Variants in SCFD1 observed in about 807,000 individuals in gnomAD.
SCFD1 encodes sec1 family domain containing 1.
In SCFD1, 37 loss-of-function variants were observed where a neutral mutation model predicts 103.2. The ratio of observed to expected loss-of-function variants is 0.36; its 90% CI spans 0.28 to 0.47. The LOEUF is 0.47. Among genes scored for constraint, SCFD1 ranks in the 20% least tolerant of loss-of-function variants. The pLI is 1.00. For missense variants in SCFD1, 639 were observed against 761.2 expected (o/e 0.84, Z 1.89); for synonymous variants, 264 against 245.0 (o/e 1.08, Z -0.73).
intron 15 of SCFD1, among the ~76,000 whole-genome samples, chr14:30,695,342 TTAAAA>T (rs1408383563): frequency 1.1e-4 from 16 of 152,206 alleles, no homozygotes; most frequent in African/African-American, 3.6e-4. Flanking sequence ...TTAGATTTTC[TTAAAA>T]TATAACTATT....
At chr14:30,724,623 C>T (rs563041206) in intron 23 of SCFD1, among the ~76,000 whole-genome samples, 2 of 152,222 alleles carry the variant, frequency 1.3e-5, no homozygotes, top group East Asian at 1.9e-4. Context: ...GCATAGTTTG[C>T]ACAAACTTTC....
At chr14:30,731,190 G>C (rs1893435184) in intron 23 of SCFD1, among the ~76,000 whole-genome samples, 1 of 152,112 alleles carries the variant, frequency 6.6e-6, no homozygotes, top group Non-Finnish European at 1.5e-5. Context: ...TGAGGGCTCT[G>C]TTCTGTTCCA....
rs78995534 is a variant in SCFD1, at chr14:30,648,384, A to C, written c.614-1144A>C. Among the ~76,000 whole-genome samples the C allele has an allele frequency of 3.3e-5, 5 of 152,300 alleles. No homozygotes were observed. The East Asian group carries it at 9.6e-4, about 29-fold the overall frequency. ...TATTACAGTGTTCTCAGTTTGTCTT[A>C]TGAGACTTTCAGTGCAGTTGGACTT... On this transcript the variant is annotated intron_variant, in intron 7 of 24. Coordinates refer to ENST00000458591, the MANE Select transcript of SCFD1 (RefSeq NM_016106.4).
At chr14:30,704,827 T>C (rs933123495) in intron 17 of SCFD1, among the ~76,000 whole-genome samples, 2 of 152,238 alleles carry the variant, frequency 1.3e-5, no homozygotes, top group African/African-American at 4.8e-5. Flanking sequence ...AAATGTGTTA[T>C]AAAACAGTGT....
intron 1 of SCFD1, 76 bp downstream of exon 1, chr14:30,622,475 C>T (rs1882940750): frequency 1.6e-5 from 25 of 1,517,820 alleles, no homozygotes; most frequent in South Asian, 7.3e-5. Flanking sequence ...GCGTGCAGCT[C>T]AGAGACCGAT....
intron 14 of SCFD1, among the ~76,000 whole-genome samples, chr14:30,683,919 G>A (rs1301261580): frequency 6.6e-6 from 1 of 152,160 alleles, no homozygotes; most frequent in Non-Finnish European, 1.5e-5. Flanking sequence ...GGAAAGCCAA[G>A]AAGTGTCACT....
chr14:30,622,830 C>T (rs1174831368), intron 1 of SCFD1, among the ~76,000 whole-genome samples: 1 of 152,198 alleles, frequency 6.6e-6, no homozygotes, highest in African/African-American at 2.4e-5. Flanking sequence ...TTGCTTTGCG[C>T]CACTTCTCTA....
chr14:30,658,154 T>C (rs948379746), intron 10 of SCFD1: 1 of 448,936 alleles, frequency 2.2e-6, no homozygotes, highest in African/African-American at 2.0e-5. Context: ...ATTTTATCTC[T>C]GTTTTTTTAC....
intron 2 of SCFD1, among the ~76,000 whole-genome samples, chr14:30,630,103 A>G (rs1355835771): frequency 1.4e-5 from 2 of 145,566 alleles, no homozygotes; most frequent in African/African-American, 5.7e-5. Context: ...TATAGTCTCT[A>G]TTTTTTTAAA....
At chr14:30,658,248 A>G (rs1887096921) in intron 10 of SCFD1, 3 of 296,778 alleles carry the variant, frequency 1.0e-5, no homozygotes, top group Non-Finnish European at 2.0e-5. Context: ...GAAACATTAA[A>G]TCGGAAGTTA....
At chr14:30,644,520 T>C (rs957288970) in intron 7 of SCFD1, among the ~76,000 whole-genome samples, 5 of 152,234 alleles carry the variant, frequency 3.3e-5, no homozygotes, top group African/African-American at 1.2e-4. Context: ...TGTTATTTTT[T>C]GACTTTTTAA....
chr14:30,630,508 T>C lies in SCFD1; in HGVS notation c.164T>C (p.Ile55Thr). 1.9e-6 allele frequency: 3 copies of C among 1,603,888 alleles called. No homozygotes were observed. The highest frequency in any genetic ancestry group is 2.6e-6 in the Non-Finnish European group (3 of 1,171,300). The change falls in exon 3 of 25, where the codon ATA becomes ACA. Residue 55 changes from isoleucine (I) to threonine (T), a missense_variant. Coordinates refer to ENST00000458591, the MANE Select transcript of SCFD1 (RefSeq NM_016106.4). ...VLIYDRFGQD[I>T]ISPLLSVKEL... Reference sequence around the variant, plus strand: ...ATTTATGACAGATTTGGCCAAGATATAATCTCTCCTCTGCTATCTGTGAAG... The same window carrying C: ...ATTTATGACAGATTTGGCCAAGATACAATCTCTCCTCTGCTATCTGTGAAG...
chr14:30,666,624 GAAA>G (rs1168265973), intron 10 of SCFD1, among the ~76,000 whole-genome samples: 2 of 151,992 alleles, frequency 1.3e-5, no homozygotes, highest in Non-Finnish European at 2.9e-5. Flanking sequence ...CTGGTTTTTT[GAAA>G]AGATCAACAA....
intron 10 of SCFD1, among the ~76,000 whole-genome samples, chr14:30,664,096 G>A (rs890120498): frequency 6.6e-6 from 1 of 152,152 alleles, no homozygotes; most frequent in African/African-American, 2.4e-5. Flanking sequence ...TGACCCCTGT[G>A]TAGGCTAACA....
At chr14:30,707,800 G>A (rs1332187731) in intron 18 of SCFD1, 190 bp from the exon 19 acceptor site, 1 of 652,678 alleles carries the variant, frequency 1.5e-6, no homozygotes, top group Admixed American at 2.1e-5. Flanking sequence ...CTATTTTATT[G>A]TTAAATAAAA....
Position 30,706,589 on chromosome 14 carries a change from G to GGATA in SCFD1, c.1553+708_1553+711dup, listed in dbSNP as rs1251561878. On this transcript the variant is annotated intron_variant, in intron 18 of 24. Transcript: ENST00000458591. Reference sequence around the variant, plus strand: ...AGACTTGAAGCTAGGCCTGGCTTCAGGATAGATTCAAGCAGTGCTAAATGA... The same window carrying GGATA: ...AGACTTGAAGCTAGGCCTGGCTTCAGGATAGATAGATTCAAGCAGTGCTAAATGA... 2.6e-5 allele frequency among the ~76,000 whole-genome samples: 4 copies of GGATA among 152,136 alleles called. No homozygotes were observed. The East Asian group carries it at 7.7e-4, about 29-fold the overall frequency.
At chr14:30,729,859 T>C (rs1209107273) in intron 23 of SCFD1, among the ~76,000 whole-genome samples, 1 of 149,440 alleles carries the variant, frequency 6.7e-6, no homozygotes, top group Non-Finnish European at 1.5e-5. Flanking sequence ...TTTATGCTGT[T>C]ACGAAAGGCA....
intron 6 of SCFD1, among the ~76,000 whole-genome samples, chr14:30,640,781 A>C (rs1885192781): frequency 6.6e-6 from 1 of 152,160 alleles, no homozygotes; most frequent in Non-Finnish European, 1.5e-5. Context: ...CTGTAAAAAT[A>C]ATTAAATTTG....
In SCFD1 at chr14:30,707,981, C is replaced by A; in HGVS notation, c.1554-9C>A. 6.2e-7 allele frequency: 1 copy of A among 1,603,482 alleles called. No homozygotes were observed. The highest frequency in any genetic ancestry group is 1.1e-5 in the South Asian group (1 of 90,822). On this transcript the variant is annotated splice_polypyrimidine_tract_variant and intron_variant, in intron 18 of 24. Transcript: ENST00000458591. ...CTTAGAATGGTCCTTCTCTTTTGCC[C>A]CTACCTAGTCTTTTATCACGAGTCA...
Sources: allele counts gnomAD v4.1 joint callset (sites outside exome capture counted in the v4.1 genomes callset), GRCh38; gene constraint gnomAD v4.1.1; transcripts MANE v1.5; gene names NCBI Gene and HGNC (gene_info 2026-07-23, HGNC 2026-07-21).